The following PIK3C2A variants were observed in gnomAD, a reference collection of about 807,000 sequenced individuals.
PIK3C2A encodes the protein phosphatidylinositol 4-phosphate 3-kinase C2 domain-containing subunit alpha.
PIK3C2A carries 97 observed loss-of-function variants against 204.5 expected under a neutral mutation model. That is an observed-to-expected ratio of 0.47 (90% CI 0.40 to 0.56). The LOEUF is 0.56. PIK3C2A is among the 20% of genes least tolerant of loss of function. PIK3C2A has a pLI of 0.00. For missense variants in PIK3C2A, 1,735 were observed against 1,969.2 expected, an observed-to-expected ratio of 0.88 and a Z score of 2.25; for synonymous variants, 653 against 664.4, an observed-to-expected ratio of 0.98 and a Z score of 0.26.
intron 8 of PIK3C2A, among the ~76,000 whole-genome samples, chr11:17,139,219 T>C (rs1013806399): frequency 1.3e-5 from 2 of 150,674 alleles, no homozygotes; most frequent in African/African-American, 4.9e-5. Flanking sequence ...GGCCTAATGA[T>C]TCTTTAAATT....
chr11:17,138,325 C>CCT, intron 8 of PIK3C2A: 1 of 350,612 alleles, frequency 2.9e-6, no homozygotes, highest in Non-Finnish European at 5.4e-6. Flanking sequence ...AGCCAGCTTC[C>CCT]TTTTTTTTTT....
At chr11:17,142,697 G>C (rs949420959) in intron 8 of PIK3C2A, among the ~76,000 whole-genome samples, 24 of 151,986 alleles carry the variant, frequency 1.6e-4, no homozygotes, top group African/African-American at 4.1e-4. Flanking sequence ...TCCAGCTTGG[G>C]TGACAGAGTG....
intron 8 of PIK3C2A, among the ~76,000 whole-genome samples, chr11:17,144,788 C>G (rs1850174475): frequency 6.8e-6 from 1 of 146,470 alleles, no homozygotes; most frequent in African/African-American, 2.5e-5. Context: ...CCCAGCTACT[C>G]AGGAGGCTGA....
intron 1 of PIK3C2A, among the ~76,000 whole-genome samples, chr11:17,194,913 G>GAA (rs36004617): frequency 0.58 from 82,347 of 141,462 alleles, 23,301 homozygotes; most frequent in East Asian, 0.82. Flanking sequence ...CCATCTCGAA[G>GAA]AAAAAAAAAA....
intron 1 of PIK3C2A, among the ~76,000 whole-genome samples, chr11:17,170,025 T>C (rs1851108401): frequency 6.6e-6 from 1 of 152,208 alleles, no homozygotes; most frequent in Non-Finnish European, 1.5e-5. Flanking sequence ...TTTAACCCCA[T>C]TTCCTGACAC....
chr11:17,112,445 C>T (rs1207015700), intron 21 of PIK3C2A, 129 bp downstream of exon 21: 2 of 412,106 alleles, frequency 4.9e-6, no homozygotes, highest in Non-Finnish European at 8.6e-6. Context: ...AGAACAAGAC[C>T]CTGTGTAAAA....
Position 17,145,934 on chromosome 11 carries a change from A to T in PIK3C2A, c.1569T>A (p.Asp523Glu). The change falls in exon 7 of 33, where the codon GAT becomes GAA. Residue 523 changes from aspartate (D) to glutamate (E), a missense_variant. This residue lies in a region of PIK3C2A where 106 missense variants were observed against 108.2 expected (regional missense o/e 0.98). Coordinates refer to ENST00000691414, the MANE Select transcript of PIK3C2A (RefSeq NM_002645.4). ...MCQNLARTAE[D>E]DETPVDLNKH... ...TGTTTAAATCCACGGGTGTTTCATC[A>T]TCTTCTGCCTAAACAAACACATATA... 1 of 1,612,810 alleles carries T rather than the reference A, an allele frequency of 6.2e-7. No homozygotes were observed. The highest frequency in any genetic ancestry group is 8.5e-7 in the Non-Finnish European group (1 of 1,179,414).
chr11:17,155,705 A>G, intron 2 of PIK3C2A, 76 bp from the exon 3 acceptor site: 1 of 719,442 alleles, frequency 1.4e-6, no homozygotes, highest in Non-Finnish European at 2.4e-6. Flanking sequence ...GCACAAACAC[A>G]TTTTTATGAA....
intron 32 of PIK3C2A, among the ~76,000 whole-genome samples, chr11:17,090,886 C>T (rs1421332490): frequency 1.3e-5 from 2 of 151,404 alleles, no homozygotes; most frequent in Admixed American, 6.6e-5. Flanking sequence ...ATTACAGGTG[C>T]GTGCCACCAT....
chr11:17,204,630 C>A (rs113145842), intron 1 of PIK3C2A, among the ~76,000 whole-genome samples: 1 of 152,124 alleles, frequency 6.6e-6, no homozygotes, highest in Non-Finnish European at 1.5e-5. Context: ...ATAAAATGTA[C>A]GTTGTCTTCC....
chr11:17,201,034 C>A (rs1359772140), intron 1 of PIK3C2A, among the ~76,000 whole-genome samples: 1 of 151,702 alleles, frequency 6.6e-6, no homozygotes, highest in Non-Finnish European at 1.5e-5. Context: ...GGTGAAATCC[C>A]GTCTCTACTA....
intron 20 of PIK3C2A, among the ~76,000 whole-genome samples, chr11:17,113,848 G>A (rs1048521951): frequency 8.0e-5 from 12 of 150,368 alleles, no homozygotes; most frequent in African/African-American, 2.2e-4. Flanking sequence ...TTGGGAGGCC[G>A]AGGTGGGCGA....
intron 1 of PIK3C2A, among the ~76,000 whole-genome samples, chr11:17,190,392 T>C (rs1278479959): frequency 6.6e-6 from 1 of 151,824 alleles, no homozygotes; most frequent in East Asian, 1.9e-4. Context: ...GCCAACATGG[T>C]GCAACACCAT....
Position 17,097,148 on chromosome 11 carries a change from G to A in PIK3C2A, c.4235C>T (p.Ser1412Leu). ...TTGTCTAAAGGAGTATGTTTTAGGT[G>A]AAAATGAAAGGATGGGCTCATCATT... ...PSNDEPILSF[S>L]PKTYSFRQDG... is the part of the protein sequence containing the mutation. Residue 1412 changes from serine (S) to leucine (L), a missense_variant, in exon 27 of 33, where the codon TCA becomes TTA. This residue lies in a region of PIK3C2A where 503 missense variants were observed against 669.0 expected (regional missense o/e 0.75). Coordinates refer to ENST00000691414, the MANE Select transcript of PIK3C2A (RefSeq NM_002645.4). 6.2e-7 allele frequency: 1 copy of A among 1,610,650 alleles called. No individual in the cohort carries two copies. The highest frequency in any genetic ancestry group is 8.5e-7 in the Non-Finnish European group (1 of 1,176,914).
chr11:17,185,658 T>C (rs1851728547), intron 1 of PIK3C2A, among the ~76,000 whole-genome samples: 1 of 152,140 alleles, frequency 6.6e-6, no homozygotes, highest in Admixed American at 6.6e-5. Flanking sequence ...TCTAATTCAG[T>C]TATAGCTTAT....
chr11:17,107,568 T>C (rs2137303631), intron 22 of PIK3C2A, among the ~76,000 whole-genome samples: 1 of 152,248 alleles, frequency 6.6e-6, no homozygotes, highest in East Asian at 1.9e-4. Flanking sequence ...GAATTGAGGA[T>C]AAAGGTATGA....
At chr11:17,143,501 G>A (rs1026041407) in intron 8 of PIK3C2A, among the ~76,000 whole-genome samples, 2 of 151,958 alleles carry the variant, frequency 1.3e-5, no homozygotes, top group Non-Finnish European at 1.5e-5. Flanking sequence ...AGCAGGAGTC[G>A]GCCAACTTTT....
intron 3 of PIK3C2A, 114 bp from the exon 4 acceptor site, chr11:17,150,769 A>G (rs1850400886): frequency 1.7e-6 from 1 of 595,182 alleles, no homozygotes; most frequent in East Asian, 3.3e-5. Context: ...GTCCAACTCA[A>G]GCAGCTCATG....
chr11:17,125,357 A>G (rs1849488920), intron 13 of PIK3C2A, among the ~76,000 whole-genome samples: 1 of 152,156 alleles, frequency 6.6e-6, no homozygotes, highest in Non-Finnish European at 1.5e-5. Context: ...ACATCCTACA[A>G]TGCACAGAAC....
Sources: gnomAD v4.1 joint callset for allele counts (sites outside exome capture counted in the v4.1 genomes callset) on GRCh38, gnomAD v4.1.1 for gene constraint, gnomAD v4.1.1 regional missense constraint, MANE v1.5 for transcripts, NCBI Gene and HGNC (gene_info 2026-07-23, HGNC 2026-07-21) for gene names.